Variants in DPP10 observed in about 807,000 individuals in gnomAD.
The protein encoded by DPP10 is dipeptidyl peptidase like 10.
A neutral mutation model predicts 120.9 loss-of-function variants in DPP10; 33 were observed. The ratio of observed to expected loss-of-function variants is 0.27; its 90% CI spans 0.21 to 0.37. The LOEUF is 0.37. Ranked by LOEUF, DPP10 falls within the 10% of genes least tolerant of loss-of-function variation. The probability of loss-of-function intolerance (pLI) is 1.00; values close to 1 mark genes in which losing one functional copy is unlikely to be tolerated. For missense variants in DPP10, 816 were observed against 942.8 expected (o/e 0.87, Z 1.76); for synonymous variants, 337 against 326.1 (o/e 1.03, Z -0.36).
chr2:114,717,497 A>G (rs1701427307), intron 1 of DPP10, among the ~76,000 whole-genome samples: 1 of 152,218 alleles, frequency 6.6e-6, no homozygotes, highest in Admixed American at 6.5e-5. Flanking sequence ...TCAATACAAC[A>G]TTACTTTTAA....
At chr2:115,590,933 G>T (rs1054939218) in intron 5 of DPP10, among the ~76,000 whole-genome samples, 2 of 152,088 alleles carry the variant, frequency 1.3e-5, no homozygotes, top group Non-Finnish European at 2.9e-5. Context: ...GATGAGTATT[G>T]TTTCATGTGT....
intron 1 of DPP10, among the ~76,000 whole-genome samples, chr2:114,983,201 T>C (rs1700193536): frequency 6.6e-6 from 1 of 152,200 alleles, no homozygotes; most frequent in Non-Finnish European, 1.5e-5. Context: ...CTTTCCACGA[T>C]TTTAAATCAG....
chr2:115,607,257 A>G (rs1345758856), intron 5 of DPP10, among the ~76,000 whole-genome samples: 1 of 152,202 alleles, frequency 6.6e-6, no homozygotes, highest in Non-Finnish European at 1.5e-5. Context: ...ATATATTTGA[A>G]AAAATAATGC....
chr2:115,793,616 A>G (rs1027605844), intron 19 of DPP10, among the ~76,000 whole-genome samples: 61 of 152,228 alleles, frequency 4.0e-4, no homozygotes, highest in African/African-American at 1.3e-3. Flanking sequence ...CAATAGACAG[A>G]CACTACTAAA....
chr2:114,581,119 T>G (rs1205070364), intron 1 of DPP10, among the ~76,000 whole-genome samples: 1 of 151,892 alleles, frequency 6.6e-6, no homozygotes. Context: ...GAGTTAGAAG[T>G]TAACTTGCAG....
At chr2:115,495,575 T>G (rs529514265) in intron 3 of DPP10, among the ~76,000 whole-genome samples, 1 of 152,184 alleles carries the variant, frequency 6.6e-6, no homozygotes, top group African/African-American at 2.4e-5. Flanking sequence ...TATTATCTGC[T>G]TTGTGTGGAA....
At chr2:114,819,001 A>G (rs1234336940) in intron 1 of DPP10, among the ~76,000 whole-genome samples, 1 of 152,094 alleles carries the variant, frequency 6.6e-6, no homozygotes, top group African/African-American at 2.4e-5. Context: ...TGACTTAGTG[A>G]TACGTTACCT....
At chr2:114,777,735 T>C (rs1681890907) in intron 1 of DPP10, among the ~76,000 whole-genome samples, 1 of 152,144 alleles carries the variant, frequency 6.6e-6, no homozygotes, top group Non-Finnish European at 1.5e-5. Context: ...ATGACTACTT[T>C]ACATCTCTTA....
chr2:115,430,643 C>T (rs77836117), intron 3 of DPP10, among the ~76,000 whole-genome samples: 10,737 of 152,120 alleles, frequency 0.071, 475 homozygotes, highest in Middle Eastern at 0.13. Context: ...TTTTACAACA[C>T]GTATAAAGAA....
At chr2:114,630,536 G>A (rs191930182) in intron 1 of DPP10, among the ~76,000 whole-genome samples, 4 of 152,110 alleles carry the variant, frequency 2.6e-5, no homozygotes, top group East Asian at 1.9e-4. Flanking sequence ...TTATTATTAC[G>A]AAAGATGTTA....
chr2:115,775,859 G>T (rs1392742532), intron 13 of DPP10, among the ~76,000 whole-genome samples: 1 of 152,030 alleles, frequency 6.6e-6, no homozygotes, highest in Non-Finnish European at 1.5e-5. Context: ...TCAAAAATAT[G>T]TAAGATAATT....
intron 1 of DPP10, among the ~76,000 whole-genome samples, chr2:115,261,193 T>C (rs2105750058): frequency 6.6e-6 from 1 of 152,270 alleles, no homozygotes; most frequent in Admixed American, 6.5e-5. Flanking sequence ...CTAACTTGCA[T>C]CATGGAATCC....
In DPP10 at chr2:115,537,091, T is replaced by G. The variant is rs540289624; in HGVS notation, c.441+11119T>G. The stretch of plus-strand genomic sequence containing the variant: ...GTTTATTTCTATAGAAATAATATCA[T>G]GTTCTCATTTTAAACTGCAAGATGC... On this transcript the variant is annotated intron_variant, in intron 5 of 25. Coordinates refer to ENST00000410059, the MANE Select transcript of DPP10 (RefSeq NM_020868.6). Among the ~76,000 whole-genome samples, 70 of 152,180 alleles carry G rather than the reference T, an allele frequency of 4.6e-4. 1 individual carries two copies. In the South Asian group the frequency reaches 0.011, roughly 24 times the overall value.
chr2:115,529,176 C>T (rs1158963142), intron 5 of DPP10, among the ~76,000 whole-genome samples: 2 of 149,148 alleles, frequency 1.3e-5, no homozygotes, highest in Non-Finnish European at 3.0e-5. Context: ...TTTTTTTTTC[C>T]GGTGGGAGGG....
chr2:115,709,205 G>A (rs898555936), intron 7 of DPP10, among the ~76,000 whole-genome samples: 2 of 152,070 alleles, frequency 1.3e-5, no homozygotes, highest in Admixed American at 6.6e-5. Context: ...CAGAGTGTGG[G>A]TATCAAGTAA....
intron 1 of DPP10, among the ~76,000 whole-genome samples, chr2:114,916,862 A>G (rs1041041097): frequency 1.3e-5 from 2 of 152,192 alleles, no homozygotes; most frequent in African/African-American, 2.4e-5. Context: ...AGCTAAAACC[A>G]TACTGAGTGG....
Position 115,027,139 on chromosome 2 carries a change from G to A in DPP10, c.61-282100G>A, listed in dbSNP as rs368870803. 8.1e-4 allele frequency among the ~76,000 whole-genome samples: 123 copies of A among 152,192 alleles called. 3 individuals are homozygous for A. In the South Asian group the frequency reaches 0.023, roughly 28 times the overall value. ...GTTTTTCAGATTGCTTTTTGTTGGC[G>A]TATAGAAATGCTACATTTGTATGCT... On this transcript the variant is annotated intron_variant, in intron 1 of 25. Transcript: ENST00000410059.
At chr2:115,277,368 A>G (rs960184532) in intron 1 of DPP10, among the ~76,000 whole-genome samples, 3 of 151,170 alleles carry the variant, frequency 2.0e-5, no homozygotes, top group Non-Finnish European at 4.4e-5. Context: ...GGAAGACTAC[A>G]CTATCTTTTA....
intron 1 of DPP10, among the ~76,000 whole-genome samples, chr2:114,664,702 CG>C (rs1279736566): frequency 1.3e-5 from 2 of 150,532 alleles, no homozygotes; most frequent in Non-Finnish European, 2.9e-5. Flanking sequence ...CAGGCACAAT[CG>C]GGGATGGAGA....
Sources: gnomAD v4.1 joint callset for allele counts (sites outside exome capture counted in the v4.1 genomes callset) on GRCh38, gnomAD v4.1.1 for gene constraint, MANE v1.5 for transcripts, NCBI Gene and HGNC (gene_info 2026-07-23, HGNC 2026-07-21) for gene names.